The following CCDC102B variants were observed in gnomAD, a reference collection of about 807,000 sequenced individuals.
CCDC102B encodes the protein coiled-coil domain containing 102B.
A neutral mutation model predicts 57.4 loss-of-function variants in CCDC102B; 75 were observed. That is an observed-to-expected ratio of 1.31 (90% CI 1.08 to 1.58). CCDC102B has a LOEUF of 1.58. Among genes scored for constraint, CCDC102B ranks in the 40% most tolerant of loss-of-function variants. The pLI is 0.00. For synonymous variants in CCDC102B, 206 were observed against 201.9 expected (o/e 1.02, Z -0.17); for missense variants, 636 against 582.6 (o/e 1.09, Z -0.94).
chr18:69,028,224 A>T (rs1375091266), intron 7 of CCDC102B, among the ~76,000 whole-genome samples: 1 of 152,214 alleles, frequency 6.6e-6, no homozygotes, highest in Non-Finnish European at 1.5e-5. Context: ...GAATCTAAGG[A>T]TAAATAGACT....
chr18:68,772,202 C>T (rs971720797), intron 2 of CCDC102B, among the ~76,000 whole-genome samples: 4 of 151,980 alleles, frequency 2.6e-5, no homozygotes, highest in Admixed American at 2.0e-4. Context: ...TTGCCAGAGC[C>T]TTGTACAAAA....
At chr18:69,031,967 T>C (rs1400692289) in intron 7 of CCDC102B, among the ~76,000 whole-genome samples, 1 of 151,208 alleles carries the variant, frequency 6.6e-6, no homozygotes, top group Non-Finnish European at 1.5e-5. Context: ...TCACTGATTT[T>C]TTTTTTACAT....
chr18:68,789,015 G>T (rs1183004854), intron 2 of CCDC102B, among the ~76,000 whole-genome samples: 1 of 152,076 alleles, frequency 6.6e-6, no homozygotes, highest in Non-Finnish European at 1.5e-5. Flanking sequence ...GCTCTTTTAG[G>T]GCAGGCCTGG....
intron 2 of CCDC102B, among the ~76,000 whole-genome samples, chr18:68,731,714 T>C (rs565167039): frequency 2.7e-5 from 4 of 147,316 alleles, no homozygotes; most frequent in African/African-American, 1.0e-4. Flanking sequence ...TATAATATAA[T>C]ATATGTTATA....
At chr18:68,874,605 G>A in intron 4 of CCDC102B, 64 bp from the exon 5 acceptor site, 2 of 980,422 alleles carry the variant, frequency 2.0e-6, no homozygotes, top group Non-Finnish European at 3.2e-6. Context: ...AAGGACTAAT[G>A]TGGATTATCC....
Position 69,020,187 on chromosome 18 carries a change from A to G in CCDC102B, c.1434+9083A>G, listed in dbSNP as rs73451801. 9.5e-3 allele frequency among the ~76,000 whole-genome samples: 1,447 copies of G among 152,226 alleles called. 23 individuals carry two copies. The highest frequency in any genetic ancestry group is 0.032 in the African/African-American group (1,325 of 41,568). Reference sequence around the variant, plus strand: ...ATATAAATCGGTTTGACTAGCTCCTAGTTGCTAGATGCTTATTATTCACAA... The same window carrying G: ...ATATAAATCGGTTTGACTAGCTCCTGGTTGCTAGATGCTTATTATTCACAA... On this transcript the variant is annotated intron_variant, in intron 7 of 7. Coordinates refer to ENST00000360242, the MANE Select transcript of CCDC102B (RefSeq NM_024781.3).
At chr18:68,724,483 G>C (rs1261154045) in intron 2 of CCDC102B, among the ~76,000 whole-genome samples, 1 of 152,106 alleles carries the variant, frequency 6.6e-6, no homozygotes, top group African/African-American at 2.4e-5. Flanking sequence ...TCTTCCACCA[G>C]ATACCCTAAA....
chr18:68,770,518 G>A (rs113574623), intron 2 of CCDC102B, among the ~76,000 whole-genome samples: 403 of 152,250 alleles, frequency 2.6e-3, no homozygotes, highest in South Asian at 4.6e-3. Context: ...CTTCCATGAC[G>A]CCAAGGCAAG....
chr18:68,837,409 T>A (rs1028296544), intron 2 of CCDC102B, 40 bp downstream of exon 2: 2 of 1,557,758 alleles, frequency 1.3e-6, no homozygotes, highest in Non-Finnish European at 1.7e-6. Context: ...TTTCTGAAGG[T>A]CATATATAGT....
intron 6 of CCDC102B, among the ~76,000 whole-genome samples, chr18:68,902,602 C>T (rs1237463288): frequency 6.6e-6 from 1 of 152,196 alleles, no homozygotes; most frequent in Non-Finnish European, 1.5e-5. Flanking sequence ...ACTAGTGCAG[C>T]ATCCACCTGA....
intron 2 of CCDC102B, among the ~76,000 whole-genome samples, chr18:68,726,777 T>C (rs1185938080): frequency 6.6e-6 from 1 of 152,188 alleles, no homozygotes; most frequent in Non-Finnish European, 1.5e-5. Context: ...TCTATCCTGA[T>C]GATTCTATGA....
At chr18:68,768,694 C>T (rs2034544411) in intron 2 of CCDC102B, among the ~76,000 whole-genome samples, 1 of 151,654 alleles carries the variant, frequency 6.6e-6, no homozygotes, top group African/African-American at 2.4e-5. Context: ...CCTCAAAATA[C>T]CATATAAGCT....
chr18:68,916,163 A>ATAGG (rs941868458), intron 6 of CCDC102B, among the ~76,000 whole-genome samples: 2 of 151,986 alleles, frequency 1.3e-5, no homozygotes, highest in Non-Finnish European at 2.9e-5. Flanking sequence ...AGATAGATAG[A>ATAGG]TAGATATGCA....
chr18:68,881,926 A>C (rs1346888878), intron 5 of CCDC102B, among the ~76,000 whole-genome samples: 2 of 152,156 alleles, frequency 1.3e-5, no homozygotes, highest in African/African-American at 4.8e-5. Flanking sequence ...CATTTTTGAG[A>C]ATATAACTCT....
chr18:68,930,568 G>A (rs529244882), intron 6 of CCDC102B, among the ~76,000 whole-genome samples: 2 of 151,980 alleles, frequency 1.3e-5, no homozygotes, highest in South Asian at 4.1e-4. Context: ...TTAAGGATGT[G>A]CTGAATTCCT....
chr18:68,744,624 T>G (rs1198713480), intron 2 of CCDC102B, among the ~76,000 whole-genome samples: 3 of 152,038 alleles, frequency 2.0e-5, no homozygotes, highest in Non-Finnish European at 4.4e-5. Context: ...TCAGTTGAGG[T>G]CTCATACCAT....
intron 4 of CCDC102B, among the ~76,000 whole-genome samples, chr18:68,851,766 A>T (rs909422505): frequency 4.6e-5 from 7 of 152,216 alleles, no homozygotes; most frequent in Non-Finnish European, 7.3e-5. Context: ...TAGTTTGAGG[A>T]TAATGATAAA....
At chr18:68,986,752 CA>C (rs2050735688) in intron 6 of CCDC102B, among the ~76,000 whole-genome samples, 1 of 151,778 alleles carries the variant, frequency 6.6e-6, no homozygotes, top group Non-Finnish European at 1.5e-5. Flanking sequence ...AATCAACATA[CA>C]AAAGTCAGTG....
At chr18:69,032,141 G>A (rs897396105) in intron 7 of CCDC102B, among the ~76,000 whole-genome samples, 2 of 152,016 alleles carry the variant, frequency 1.3e-5, no homozygotes, top group African/African-American at 4.8e-5. Context: ...TTTTTTTGAT[G>A]CTGAATTTCA....
Sources: allele counts gnomAD v4.1 joint callset (sites outside exome capture counted in the v4.1 genomes callset), GRCh38; gene constraint gnomAD v4.1.1; transcripts MANE v1.5; gene names NCBI Gene and HGNC (gene_info 2026-07-23, HGNC 2026-07-21).